Variants in GPAM observed in about 807,000 individuals in gnomAD.
The protein encoded by GPAM is glycerol-3-phosphate acyltransferase 1, mitochondrial.
GPAM carries 56 observed loss-of-function variants against 105.0 expected under a neutral mutation model. The ratio of observed to expected loss-of-function variants is 0.53; its 90% confidence interval spans 0.43 to 0.67. The LOEUF is 0.67. GPAM is among the 30% of genes least tolerant of loss of function. The pLI, the probability that GPAM is intolerant of heterozygous loss-of-function variation, is 0.00. For synonymous variants in GPAM, 368 were observed against 354.4 expected (o/e 1.04, Z -0.43); for missense variants, 855 against 989.8 (o/e 0.86, Z 1.83).
At chr10:112,173,093 C>T in intron 7 of GPAM, 27 bp from the exon 8 acceptor site, 1 of 1,279,038 alleles carries the variant, frequency 7.8e-7, no homozygotes, top group Non-Finnish European at 1.1e-6. Context: ...ACAAAAAAAA[C>T]AACATAAATG....
At chr10:112,197,315 G>C (rs904900894) in intron 1 of GPAM, among the ~76,000 whole-genome samples, 2 of 152,010 alleles carry the variant, frequency 1.3e-5, no homozygotes. Flanking sequence ...TGTGCTAATA[G>C]TTACAAAAAT....
intron 1 of GPAM, among the ~76,000 whole-genome samples, chr10:112,201,722 G>A (rs1847798896): frequency 6.6e-6 from 1 of 151,846 alleles, no homozygotes; most frequent in South Asian, 2.1e-4. Context: ...AACCCTCTCT[G>A]AAAATAACCT....
chr10:112,211,658 G>T (rs1270904405), intron 1 of GPAM, among the ~76,000 whole-genome samples: 1 of 152,148 alleles, frequency 6.6e-6, no homozygotes, highest in African/African-American at 2.4e-5. Context: ...AGCTTTCTCA[G>T]CCTCATTCTC....
chr10:112,226,939 T>C, the GPAM span, among the ~76,000 whole-genome samples: 1 of 151,936 alleles, frequency 6.6e-6, no homozygotes, highest in Admixed American at 6.6e-5. Context: ...AGCACAGAGC[T>C]TGGTGTTCCA....
chr10:112,197,594 A>C (rs906179384), intron 1 of GPAM, among the ~76,000 whole-genome samples: 1 of 149,310 alleles, frequency 6.7e-6, no homozygotes, highest in Non-Finnish European at 1.5e-5. Flanking sequence ...CCACTAACTC[A>C]TCATCTAGCA....
chr10:112,174,912 C>T (rs1847376420), intron 6 of GPAM, among the ~76,000 whole-genome samples: 1 of 152,184 alleles, frequency 6.6e-6, no homozygotes. Flanking sequence ...ACAGATGACA[C>T]TTATGAATTT....
chr10:112,153,104 A>G lies in GPAM; in HGVS notation c.*446T>C, dbSNP rs1227836986. ...AAAAGAGTGAATGGATGACTCAATT[A>G]TTTTTAAAGGAAGCATTAACCACTA... On this transcript the variant is annotated 3_prime_UTR_variant, in exon 22 of 22. Coordinates refer to ENST00000348367, the MANE Select transcript of GPAM (RefSeq NM_001244949.2). 2 of 1,009,742 alleles carry G rather than the reference A, an allele frequency of 2.0e-6. No individual in the cohort carries two copies. Among genetic ancestry groups the G allele is most frequent in the African/African-American group, 3.5e-5 (2 of 57,758 alleles). The allele number at this position is 1,009,742 out of a possible 1,614,324, so 62.5% of individuals were successfully genotyped here.
chr10:112,154,800 G>A (rs1411105715), intron 20 of GPAM, 113 bp from the exon 21 acceptor site: 24 of 874,160 alleles, frequency 2.7e-5, no homozygotes, highest in Non-Finnish European at 4.3e-5. Flanking sequence ...GGGCAAGTCA[G>A]CAGACAAGGG....
At chr10:112,193,746 A>G (rs1847690729) in intron 1 of GPAM, among the ~76,000 whole-genome samples, 1 of 152,208 alleles carries the variant, frequency 6.6e-6, no homozygotes, top group African/African-American at 2.4e-5. Flanking sequence ...GTCTGAAAAC[A>G]TTATGATAAT....
At chr10:112,162,054 G>T (rs2133235938) in intron 14 of GPAM, among the ~76,000 whole-genome samples, 1 of 152,296 alleles carries the variant, frequency 6.6e-6, no homozygotes, top group Middle Eastern at 3.4e-3. Flanking sequence ...GTACAAGGCT[G>T]TTTTAGTTCT....
At position 112,158,376 on chromosome 10, in the gene GPAM, G is replaced by C; in HGVS notation, c.1920C>G (p.Tyr640Ter). 6.2e-7 allele frequency: 1 copy of C among 1,600,270 alleles called. No homozygotes were observed. The highest frequency in any genetic ancestry group is 8.6e-7 in the Non-Finnish European group (1 of 1,167,352). Residue 640 changes from tyrosine (Y) to a stop codon, truncating the protein, a stop_gained, in exon 18 of 22, where the codon TAC (tyrosine) becomes TAG (stop). Coordinates refer to ENST00000348367, the MANE Select transcript of GPAM (RefSeq NM_001244949.2). LOFTEE classifies it high-confidence loss of function. ...TTCCTACTGTTTCATGGCAGACTTGGTAAAATGTCTGGCAAGGCTGAAAAG... is the reference window on the plus strand; with the variant it reads ...TTCCTACTGTTTCATGGCAGACTTGCTAAAATGTCTGGCAAGGCTGAAAAG... ...GTISLPCQTFYQVCHETVGKF... is the reference protein window; with the variant it reads ...GTISLPCQTF
chr10:112,178,910 C>T (rs1464589852), intron 4 of GPAM, among the ~76,000 whole-genome samples: 2 of 152,170 alleles, frequency 1.3e-5, no homozygotes, highest in Non-Finnish European at 2.9e-5. Flanking sequence ...CTACTGGTCA[C>T]CCTCTTTACA....
chr10:112,178,358 T>C (rs1847445041), intron 4 of GPAM, among the ~76,000 whole-genome samples: 1 of 152,030 alleles, frequency 6.6e-6, no homozygotes, highest in South Asian at 2.1e-4. Flanking sequence ...GAGACCAGCC[T>C]GGCCAACATG....
Position 112,159,947 on chromosome 10 carries a change from C to T in GPAM, c.1866G>A (p.Leu622=), listed in dbSNP as rs1847091870. The change falls in exon 17 of 22, where the codon CTG becomes CTA. Residue 622 remains leucine, a synonymous_variant. Transcript: ENST00000348367. The stretch of plus-strand genomic sequence containing the variant: ...TGCCTTCATTGGAGAGAAGGTAGCA[C>T]AGGCTGGCCGCCTTCCGCACCAGCT... ...QEQLVRKAAS[L]CYLLSNEGTI... The T allele has an allele frequency of 6.2e-7, 1 of 1,613,976 alleles. No homozygotes were observed. The highest frequency in any genetic ancestry group is 8.5e-7 in the Non-Finnish European group (1 of 1,179,906).
In GPAM at chr10:112,153,347, G is replaced by C. The variant is rs199730141; in HGVS notation, c.*203C>G. On this transcript the variant is annotated 3_prime_UTR_variant, in exon 22 of 22. Coordinates refer to ENST00000348367, the MANE Select transcript of GPAM (RefSeq NM_001244949.2). ...CGAATAGAGGCTGAGGTCCCCCCAA[G>C]TGTTATCTGCAGGCTGCTGTGTTGA... is the stretch of plus-strand genomic sequence containing the variant. The C allele has an allele frequency of 2.0e-6, 3 of 1,487,720 alleles. No homozygotes were observed. Among genetic ancestry groups the C allele is most frequent in the Admixed American group, 4.4e-5 (2 of 44,994 alleles). 92.2% of individuals were successfully genotyped at this position (1,487,720 alleles called of 1,614,324 possible).
intron 2 of GPAM, among the ~76,000 whole-genome samples, 192 bp from the exon 3 acceptor site, chr10:112,182,005 C>G (rs377055041): frequency 8.7e-5 from 13 of 150,150 alleles, no homozygotes; most frequent in African/African-American, 3.2e-4. Context: ...GCTTCCCTGA[C>G]TAGAAAAAAA....
Position 112,164,624 on chromosome 10 carries a change from C to A in GPAM, c.1222-14G>T, listed in dbSNP as rs199547660. 8.3e-5 allele frequency: 117 copies of A among 1,413,352 alleles called. 1 individual carries two copies. In the East Asian group the frequency reaches 2.6e-3, roughly 32 times the overall value. The allele number at this position is 1,413,352 out of a possible 1,614,324, so 87.6% of individuals were successfully genotyped here. A position where few individuals can be genotyped will look rare whatever the true frequency, so the allele number is the denominator to read the frequency against. ...TTCTAAATATTCCTGGAGAAAAAAA[C>A]ACAACATGATCATTTACCCTCACTT... On this transcript the variant is annotated splice_polypyrimidine_tract_variant and intron_variant, in intron 12 of 21. Transcript: ENST00000348367.
At position 112,160,612 on chromosome 10, in the gene GPAM, G is replaced by C; in HGVS notation, c.1751C>G (p.Ala584Gly). 1 of 1,612,356 alleles carries C rather than the reference G, an allele frequency of 6.2e-7. No individual in the cohort carries two copies. Among genetic ancestry groups the C allele is most frequent in the Non-Finnish European group, 8.5e-7 (1 of 1,178,502 alleles). Residue 584 changes from alanine (A) to glycine (G), a missense_variant, in exon 16 of 22, where the codon GCC becomes GGC. Ala to Gly is a moderately conservative substitution (Grantham distance 60, BLOSUM62 0). Coordinates refer to ENST00000348367, the MANE Select transcript of GPAM (RefSeq NM_001244949.2). ...TTCAAGGTCTGACATACCTATGATG[G>C]CCTCCATGATAAAGACATGAAGTAC... is the stretch of plus-strand genomic sequence containing the variant. ...NGVLHVFIME[A>G]IIACSLYAVL... is the part of the protein sequence containing the mutation.
In GPAM at chr10:112,175,803, A is replaced by C. The variant is rs943433964; in HGVS notation, c.300-90T>G. The C allele has an allele frequency of 1.7e-5, 13 of 780,552 alleles. No individual in the cohort carries two copies. In the South Asian group the frequency reaches 1.8e-4, roughly 11 times the overall value. The allele number at this position is 780,552 out of a possible 1,614,324, so 48.4% of individuals were successfully genotyped here. ...ACTAATTTTCCGCCCATAAAAACAA[A>C]GCCTAATGTCATCTCTTTCTGAGAT... On this transcript the variant is annotated intron_variant, in intron 5 of 21. Transcript: ENST00000348367.
Sources: gnomAD v4.1 joint callset for allele counts (sites outside exome capture counted in the v4.1 genomes callset) on GRCh38, gnomAD v4.1.1 for gene constraint, MANE v1.5 for transcripts, NCBI Gene and HGNC (gene_info 2026-07-23, HGNC 2026-07-21) for gene names.